The following SLC8A2 variants were observed in gnomAD, a reference collection of about 807,000 sequenced individuals.
SLC8A2 encodes the protein solute carrier family 8 member A2.
A neutral mutation model predicts 70.2 loss-of-function variants in SLC8A2; 14 were observed. That is an observed-to-expected ratio of 0.20 (90% CI 0.13 to 0.31). SLC8A2 has a LOEUF of 0.31. SLC8A2 is among the 10% of genes least tolerant of loss of function. SLC8A2 has a pLI of 1.00. For synonymous variants in SLC8A2, 575 were observed against 594.3 expected, an observed-to-expected ratio of 0.97 and a Z score of 0.47; for missense variants, 779 against 1,320.1, an observed-to-expected ratio of 0.59 and a Z score of 6.35.
rs1967199945 is a variant in SLC8A2, at chr19:47,448,699, G to A, written c.1341-468C>T. Among the ~76,000 whole-genome samples the A allele has an allele frequency of 6.6e-6, 1 of 152,150 alleles. No homozygotes were observed. Among genetic ancestry groups the A allele is most frequent in the Non-Finnish European group, 1.5e-5 (1 of 68,030 alleles). On this transcript the variant is annotated intron_variant, in intron 3 of 9. Transcript: ENST00000236877. This position sits in a 1 kb window ranked among gnomAD's most constrained non-coding sequence, Gnocchi z 4.8. ...TGAAAATGCAGATTCTGGTTTAGAAGCTCCCGGGTTTCTAGAATCGCATTT... is the reference window on the plus strand; with the variant it reads ...TGAAAATGCAGATTCTGGTTTAGAAACTCCCGGGTTTCTAGAATCGCATTT...
At position 47,444,057 on chromosome 19, in the gene SLC8A2, G is replaced by C. The variant is rs556008814; in HGVS notation, c.1764-2617C>G. Among the ~76,000 whole-genome samples the C allele has an allele frequency of 3.9e-5, 6 of 152,016 alleles. No homozygotes were observed. The South Asian group carries it at 1.2e-3, about 32-fold the overall frequency. ...AATATAAGCGTGTGCCACCACACCT[G>C]GCTACTTTTAAATTTTTTATAGAGA... is the stretch of plus-strand genomic sequence containing the variant. On this transcript the variant is annotated intron_variant, in intron 4 of 9. Coordinates refer to ENST00000236877, the MANE Select transcript of SLC8A2 (RefSeq NM_015063.3).
In SLC8A2 at chr19:47,430,512, C is replaced by T. The variant is rs564698571; in HGVS notation, c.2390-47G>A. On this transcript the variant is annotated intron_variant, in intron 9 of 9. Transcript: ENST00000236877. This position sits in a 1 kb window ranked among gnomAD's most constrained non-coding sequence, Gnocchi z 5.9. ...GTCGGAGGGGCTTTGCGCCGCCACCCACAGGGGCGGGCATCCGCCTGCCCC... is the reference window on the plus strand; with the variant it reads ...GTCGGAGGGGCTTTGCGCCGCCACCTACAGGGGCGGGCATCCGCCTGCCCC... 40 of 1,519,026 alleles carry T rather than the reference C, an allele frequency of 2.6e-5. No homozygotes were observed. In the South Asian group the frequency reaches 4.9e-4, roughly 18 times the overall value. The allele number at this position is 1,519,026 out of a possible 1,614,324, so 94.1% of individuals were successfully genotyped here.
Position 47,450,405 on chromosome 19 carries a change from C to T in SLC8A2, c.1341-2174G>A, listed in dbSNP as rs535712959. The stretch of plus-strand genomic sequence containing the variant: ...GGGTGTAGCAGCGCATGCCTGTAGT[C>T]CCAGCTACTCTGGAGGCTGAGGCAT... On this transcript the variant is annotated intron_variant, in intron 3 of 9. Coordinates refer to ENST00000236877, the MANE Select transcript of SLC8A2 (RefSeq NM_015063.3). 2.6e-5 allele frequency among the ~76,000 whole-genome samples: 4 copies of T among 152,184 alleles called. No homozygotes were observed. In the South Asian group the frequency reaches 8.3e-4, roughly 32 times the overall value.
At chr19:47,439,740 TGCAACCTC>T (rs1421089729) in intron 6 of SLC8A2, among the ~76,000 whole-genome samples, 1 of 151,008 alleles carries the variant, frequency 6.6e-6, no homozygotes, top group African/African-American at 2.4e-5. Flanking sequence ...CTCGGCTCAC[TGCAACCTC>T]CACTTTCCAG....
intron 3 of SLC8A2, among the ~76,000 whole-genome samples, chr19:47,454,684 A>G (rs1323407059): frequency 6.6e-6 from 1 of 152,182 alleles, no homozygotes; most frequent in African/African-American, 2.4e-5. Flanking sequence ...GTGGAGGGAA[A>G]GACCTGCAAA....
intron 9 of SLC8A2, among the ~76,000 whole-genome samples, chr19:47,431,177 C>T (rs112381454): frequency 0.029 from 4,385 of 151,760 alleles, 85 homozygotes; most frequent in Non-Finnish European, 0.037. Flanking sequence ...CACAGGCATG[C>T]GCCACCACGT....
intron 3 of SLC8A2, 74 bp downstream of exon 3, chr19:47,456,856 C>G (rs1368414407): frequency 7.0e-7 from 1 of 1,428,574 alleles, no homozygotes; most frequent in East Asian, 2.4e-5. Flanking sequence ...AGGCGAAGAG[C>G]CTGGAGGCCG....
rs566782119 is a variant in SLC8A2, at chr19:47,430,587, G to A, written c.2390-122C>T. The A allele has an allele frequency of 9.6e-6, 10 of 1,046,252 alleles. No homozygotes were observed. The East Asian group carries it at 2.4e-4, about 25-fold the overall frequency. 64.8% of individuals were successfully genotyped at this position (1,046,252 alleles called of 1,614,324 possible). ...CTTTCTGCGGGCAGTGTGGGCTCAA[G>A]ACCCCTGACCCCCACCCAAGAGGCA... On this transcript the variant is annotated intron_variant, in intron 9 of 9. Coordinates refer to ENST00000236877, the MANE Select transcript of SLC8A2 (RefSeq NM_015063.3). The surrounding 1 kb of genome is among the most constrained non-coding windows in gnomAD (Gnocchi z 5.9).
chr19:47,452,431 AGAGAGAGAGAGAGAGTGTGTGT>A (rs1235505732), intron 3 of SLC8A2, among the ~76,000 whole-genome samples: 136 of 105,470 alleles, frequency 1.3e-3, no homozygotes, highest in Middle Eastern at 5.0e-3. Flanking sequence ...AGAGAGAGAG[AGAGAGAGAGAGAGAGTGTGTGT>A]GTGTGTGTGT....
chr19:47,446,680 G>C (rs943114899), intron 4 of SLC8A2, among the ~76,000 whole-genome samples: 3 of 152,130 alleles, frequency 2.0e-5, no homozygotes, highest in African/African-American at 7.2e-5. Context: ...TAAAGTGCTG[G>C]CACTACAGAC....
chr19:47,452,630 A>G (rs915134800), intron 3 of SLC8A2, among the ~76,000 whole-genome samples: 1 of 152,100 alleles, frequency 6.6e-6, no homozygotes, highest in African/African-American at 2.4e-5. Context: ...CATCAGAATC[A>G]TAGAAGGCTA....
rs372706242 is a variant in SLC8A2 at position 47,428,914 on chromosome 19, C to G, written c.*1175G>C. On this transcript the variant is annotated 3_prime_UTR_variant, in exon 10 of 10. Coordinates refer to ENST00000236877, the MANE Select transcript of SLC8A2 (RefSeq NM_015063.3). Reference sequence around the variant, plus strand: ...GTGTCCTTTGGGCAGGAAACATCAACAGTAAGAAAATGCAGATGGCCTACC... The same window carrying G: ...GTGTCCTTTGGGCAGGAAACATCAAGAGTAAGAAAATGCAGATGGCCTACC... 1 of 152,422 alleles carries G rather than the reference C, an allele frequency of 6.6e-6. No individual in the cohort carries two copies. Among genetic ancestry groups the G allele is most frequent in the Admixed American group, 6.6e-5 (1 of 15,252 alleles). 9.4% of individuals were successfully genotyped at this position (152,422 alleles called of 1,614,324 possible).
rs1967320012 is a variant in SLC8A2 at position 47,457,377 on chromosome 19, A to G, written c.893T>C (p.Leu298Pro). Residue 298 changes from leucine to proline, a missense_variant, in exon 3 of 10, where the codon CTG (leucine) becomes CCG (proline). Transcript: ENST00000236877. ...GAEAPGELGG[L>P]GPGPAEAREL... ...GCGCGCCTCGGCGGGGCCCGGGCCC[A>G]GGCCGCCCAGCTCACCTGGGGCCTC... 4.5e-6 allele frequency: 7 copies of G among 1,548,110 alleles called. No homozygotes were observed. The highest frequency in any genetic ancestry group is 3.5e-6 in the Non-Finnish European group (4 of 1,147,666).
chr19:47,466,233 C>A lies in SLC8A2; in HGVS notation c.171G>T (p.Val57=). 1 of 1,606,116 alleles carries A rather than the reference C, an allele frequency of 6.2e-7. No individual in the cohort carries two copies. The highest frequency in any genetic ancestry group is 8.5e-7 in the Non-Finnish European group (1 of 1,174,560). The change falls in exon 2 of 10, where the codon GTG becomes GTT. Residue 57 remains valine (V), a synonymous_variant. Coordinates refer to ENST00000236877, the MANE Select transcript of SLC8A2 (RefSeq NM_015063.3). The surrounding 1 kb of genome is among the most constrained non-coding windows in gnomAD (Gnocchi z 6.9). The part of the protein sequence containing the change: ...YRCQPGVLLP[V]WEPDDPSLGD... The stretch of plus-strand genomic sequence containing the variant: ...CCAGCGACGGGTCGTCGGGCTCCCA[C>A]ACGGGCAGCAGCACCCCCGGCTGGC...
rs942094458 is a variant in SLC8A2 at position 47,448,982 on chromosome 19, C to T, written c.1341-751G>A. 3.3e-5 allele frequency among the ~76,000 whole-genome samples: 5 copies of T among 152,304 alleles called. No individual in the cohort carries two copies. Among genetic ancestry groups the T allele is most frequent in the Admixed American group, 1.3e-4 (2 of 15,292 alleles). ...CAGGGTTCACAGCCCCATGGGAGAG[C>T]CATATCACCATGACAATTGCACATT... is the stretch of plus-strand genomic sequence containing the variant. On this transcript the variant is annotated intron_variant, in intron 3 of 9. Coordinates refer to ENST00000236877, the MANE Select transcript of SLC8A2 (RefSeq NM_015063.3). The surrounding 1 kb of genome is among the most constrained non-coding windows in gnomAD (Gnocchi z 4.8).
chr19:47,429,919 T>TG lies in SLC8A2; in HGVS notation c.*169dup. The TG allele has an allele frequency of 3.5e-6, 2 of 569,262 alleles. No homozygotes were observed. The highest frequency in any genetic ancestry group is 2.8e-6 in the Non-Finnish European group (1 of 357,988). 35.3% of individuals were successfully genotyped at this position (569,262 alleles called of 1,614,324 possible). ...AGAGGAAGAGGGAAGGCTGAGCTAC[T>TG]GGGGACACAGAACAGGGCAATCAAA... On this transcript the variant is annotated 3_prime_UTR_variant, in exon 10 of 10. Coordinates refer to ENST00000236877, the MANE Select transcript of SLC8A2 (RefSeq NM_015063.3).
At chr19:47,470,504 G>GC (rs1275695820) in intron 1 of SLC8A2, among the ~76,000 whole-genome samples, 1 of 152,138 alleles carries the variant, frequency 6.6e-6, no homozygotes, top group Non-Finnish European at 1.5e-5. Context: ...GGCCCTCTCA[G>GC]CACCCCCCAC....
rs541700045 is a variant in SLC8A2 at position 47,441,586 on chromosome 19, G to A, written c.1764-146C>T. On this transcript the variant is annotated intron_variant, in intron 4 of 9. Coordinates refer to ENST00000236877, the MANE Select transcript of SLC8A2 (RefSeq NM_015063.3). ...AATCTCATTTACTTCTCACCACCAC[G>A]CAGGGAGGAAGGCTCTATTATCATC... is the stretch of plus-strand genomic sequence containing the variant. The A allele has an allele frequency of 1.3e-5, 8 of 600,864 alleles. No homozygotes were observed. In the East Asian group the frequency reaches 1.7e-4, roughly 13 times the overall value. The allele number at this position is 600,864 out of a possible 1,614,324, so 37.2% of individuals were successfully genotyped here.
rs774098496 is a variant in SLC8A2, at chr19:47,465,912, G to A, written c.492C>T (p.Thr164=). ...NFQAGELGPG[T]IVGSAAFNMF... is the part of the protein sequence containing the mutation. ...TGTTGAAGGCAGCGCTGCCCACGAT[G>A]GTGCCTGGGCCCAGCTCACCCGCCT... Residue 164 remains threonine, a synonymous_variant, in exon 2 of 10, where the codon ACC becomes ACT. Transcript: ENST00000236877. This position sits in a 1 kb window ranked among gnomAD's most constrained non-coding sequence, Gnocchi z 5.5. The A allele has an allele frequency of 2.5e-6, 4 of 1,614,030 alleles. No individual in the cohort carries two copies. The East Asian group carries it at 6.7e-5, about 27-fold the overall frequency.
Sources: allele counts gnomAD v4.1 joint callset (sites outside exome capture counted in the v4.1 genomes callset), GRCh38; gene constraint gnomAD v4.1.1; non-coding constraint Gnocchi (gnomAD v3.1); transcripts MANE v1.5; gene names NCBI Gene and HGNC (gene_info 2026-07-23, HGNC 2026-07-21).